GABRB1: variants seen among roughly 807,000 people sequenced by gnomAD.
GABRB1 encodes the protein gamma-aminobutyric acid type A receptor subunit beta1, also known as gamma-aminobutyric acid receptor subunit beta-1.
GABRB1 carries 17 observed loss-of-function variants against 51.6 expected under a neutral mutation model. The ratio of observed to expected loss-of-function variants is 0.33; its 90% CI spans 0.23 to 0.49. The LOEUF (loss-of-function observed/expected upper bound fraction) is 0.49, where lower values mean the gene tolerates loss of function less well. GABRB1 is among the 20% of genes least tolerant of loss of function. The pLI is 0.99. For synonymous variants in GABRB1, 247 were observed against 218.9 expected, an observed-to-expected ratio of 1.13 and a Z score of -1.14; for missense variants, 410 against 600.6, an observed-to-expected ratio of 0.68 and a Z score of 3.32.
chr4:47,055,655 A>G (rs1391751359), intron 3 of GABRB1, among the ~76,000 whole-genome samples: 2 of 152,098 alleles, frequency 1.3e-5, no homozygotes, highest in East Asian at 1.9e-4. Flanking sequence ...TAGGGCCCAA[A>G]TGGACCCATT....
chr4:47,139,569 C>T (rs753174779), intron 3 of GABRB1, among the ~76,000 whole-genome samples: 10 of 152,014 alleles, frequency 6.6e-5, no homozygotes, highest in Non-Finnish European at 1.0e-4. Flanking sequence ...GTCCTTCTGT[C>T]TCTACCAAAT....
chr4:47,258,010 T>A (rs13135937), intron 4 of GABRB1, among the ~76,000 whole-genome samples: 2 of 152,172 alleles, frequency 1.3e-5, no homozygotes, highest in African/African-American at 4.8e-5. Context: ...AACAAACTTG[T>A]ACATGATGTA....
chr4:47,289,363 T>A (rs1723640831), intron 4 of GABRB1, among the ~76,000 whole-genome samples: 1 of 152,210 alleles, frequency 6.6e-6, no homozygotes, highest in Non-Finnish European at 1.5e-5. Context: ...TCTCATTACA[T>A]CATAGTTGTA....
At chr4:47,397,084 G>T (rs1471363433) in intron 5 of GABRB1, among the ~76,000 whole-genome samples, 1 of 151,748 alleles carries the variant, frequency 6.6e-6, no homozygotes, top group African/African-American at 2.4e-5. Context: ...ATTATTTTTT[G>T]TCTCTTATTT....
chr4:47,266,411 T>C (rs1188958723), intron 4 of GABRB1, among the ~76,000 whole-genome samples: 2 of 152,154 alleles, frequency 1.3e-5, no homozygotes, highest in African/African-American at 4.8e-5. Flanking sequence ...TTTGGGCTCT[T>C]TTTTTGGTTC....
intron 5 of GABRB1, among the ~76,000 whole-genome samples, chr4:47,337,791 C>A (rs1725749952): frequency 8.3e-6 from 1 of 120,426 alleles, no homozygotes. Context: ...GCCTGGGCGA[C>A]AGAGCCAGAC....
intron 8 of GABRB1, among the ~76,000 whole-genome samples, chr4:47,410,721 CAG>C (rs1728734149): frequency 2.0e-5 from 3 of 152,166 alleles, no homozygotes; most frequent in Admixed American, 2.0e-4. Context: ...GAAAAATGAA[CAG>C]AGATTTTAGT....
intron 4 of GABRB1, among the ~76,000 whole-genome samples, chr4:47,163,581 T>C (rs1289954997): frequency 6.6e-6 from 1 of 151,934 alleles, no homozygotes; most frequent in Non-Finnish European, 1.5e-5. Context: ...AAACTACCTA[T>C]TGAGTGCTAT....
Position 47,403,377 on chromosome 4 carries a change from G to T in GABRB1, c.604G>T (p.Gly202Cys), listed in dbSNP as rs745617923. The T allele has an allele frequency of 6.2e-7, 1 of 1,613,976 alleles. No homozygotes were observed. The highest frequency in any genetic ancestry group is 1.7e-5 in the Admixed American group (1 of 60,016). ...YWNGGEGAVT[G>C]VNKIELPQFS... ...GAATGGAGGAGAAGGGGCAGTCACT[G>T]GTGTTAATAAAATCGAACTTCCTCA... Residue 202 changes from glycine to cysteine, a missense_variant, in exon 6 of 9, where the codon GGT becomes TGT. Around this residue, in one of 5 missense-constraint regions of GABRB1, gnomAD observed 36 missense variants for 39.7 expected, o/e 0.91. Coordinates refer to ENST00000295454, the MANE Select transcript of GABRB1 (RefSeq NM_000812.4).
chr4:47,007,149 A>AT (rs1030533103), intron 1 of GABRB1, among the ~76,000 whole-genome samples: 1 of 151,948 alleles, frequency 6.6e-6, no homozygotes, highest in South Asian at 2.1e-4. Flanking sequence ...GGATAAAAAA[A>AT]AAAAGAAAAA....
At chr4:47,040,384 AT>A in intron 3 of GABRB1, among the ~76,000 whole-genome samples, 1 of 152,132 alleles carries the variant, frequency 6.6e-6, no homozygotes, top group Non-Finnish European at 1.5e-5. Context: ...AGTACTTTCC[AT>A]AGGAATAGAC....
At chr4:47,361,156 G>T (rs1338264181) in intron 5 of GABRB1, among the ~76,000 whole-genome samples, 1 of 151,956 alleles carries the variant, frequency 6.6e-6, no homozygotes, top group Non-Finnish European at 1.5e-5. Context: ...GTGGTGCATC[G>T]CATGGTTCTT....
At chr4:47,293,055 AC>A (rs980523180) in intron 4 of GABRB1, among the ~76,000 whole-genome samples, 3 of 152,244 alleles carry the variant, frequency 2.0e-5, no homozygotes, top group Non-Finnish European at 4.4e-5. Context: ...TATATCAATA[AC>A]AATTTATATC....
At chr4:47,120,193 C>T (rs539953662) in intron 3 of GABRB1, among the ~76,000 whole-genome samples, 2 of 152,004 alleles carry the variant, frequency 1.3e-5, no homozygotes, top group African/African-American at 4.8e-5. Flanking sequence ...GTGTATATAT[C>T]CATATATATA....
chr4:47,068,392 G>T (rs951459370), intron 3 of GABRB1, among the ~76,000 whole-genome samples: 2 of 152,198 alleles, frequency 1.3e-5, no homozygotes, highest in Non-Finnish European at 2.9e-5. Flanking sequence ...TTTGGTGCAA[G>T]AGACCAATTT....
intron 4 of GABRB1, among the ~76,000 whole-genome samples, chr4:47,194,915 G>T (rs1577990812): frequency 6.6e-6 from 1 of 152,134 alleles, no homozygotes; most frequent in Non-Finnish European, 1.5e-5. Context: ...GAGTCCAAAG[G>T]TTTTACAATT....
At chr4:47,063,419 C>T (rs917969176) in intron 3 of GABRB1, among the ~76,000 whole-genome samples, 4 of 152,110 alleles carry the variant, frequency 2.6e-5, no homozygotes, top group African/African-American at 4.8e-5. Context: ...TGCTACATGT[C>T]GGCACAATGG....
intron 3 of GABRB1, among the ~76,000 whole-genome samples, chr4:47,058,614 C>T (rs1418014811): frequency 3.3e-5 from 5 of 152,060 alleles, no homozygotes; most frequent in East Asian, 3.9e-4. Flanking sequence ...CTTGGATTTC[C>T]GCAGAGGTGC....
At chr4:47,303,224 C>T (rs1010720161) in intron 4 of GABRB1, among the ~76,000 whole-genome samples, 1 of 151,854 alleles carries the variant, frequency 6.6e-6, no homozygotes, top group African/African-American at 2.4e-5. Flanking sequence ...TTCTAGAAAT[C>T]ACAGCCTTCT....
Sources: allele counts gnomAD v4.1 joint callset (sites outside exome capture counted in the v4.1 genomes callset), GRCh38; gene constraint gnomAD v4.1.1; regional missense constraint gnomAD v4.1.1; transcripts MANE v1.5; gene names NCBI Gene and HGNC (gene_info 2026-07-23, HGNC 2026-07-21).